FAM117A: variants seen among roughly 807,000 people sequenced by gnomAD.
FAM117A encodes family with sequence similarity 117 member A, also known as protein FAM117A.
In FAM117A, 21 loss-of-function variants were observed where a neutral mutation model predicts 44.1. That is an observed-to-expected ratio of 0.48 (90% CI 0.34 to 0.69). The LOEUF (loss-of-function observed/expected upper bound fraction) is 0.69. Ranked by LOEUF, FAM117A falls within the 30% of genes least tolerant of loss-of-function variation. The pLI, the probability that FAM117A is intolerant of heterozygous loss-of-function variation, is 0.01. For missense variants in FAM117A, 498 were observed against 589.9 expected (o/e 0.84, Z 1.61); for synonymous variants, 220 against 238.3 (o/e 0.92, Z 0.71).
At chr17:49,721,728 C>T (rs763487030) in intron 3 of FAM117A, among the ~76,000 whole-genome samples, 2 of 152,200 alleles carry the variant, frequency 1.3e-5, no homozygotes, top group Non-Finnish European at 2.9e-5. Flanking sequence ...GACTTGAGCA[C>T]TCCTGAGGGA....
At chr17:49,788,464 T>C (rs560601805) in intron 1 of FAM117A, 1 of 250,370 alleles carries the variant, frequency 4.0e-6, no homozygotes, top group Admixed American at 5.5e-5. Context: ...CAAACAAGAA[T>C]GGCTACCCAC....
At chr17:49,747,782 C>T (rs1169202138) in intron 1 of FAM117A, among the ~76,000 whole-genome samples, 1 of 152,164 alleles carries the variant, frequency 6.6e-6, no homozygotes, top group East Asian at 1.9e-4. Flanking sequence ...GGCAAATTCC[C>T]ATGCTGAGCT....
At chr17:49,754,657 G>T (rs1355167784) in intron 1 of FAM117A, among the ~76,000 whole-genome samples, 3 of 152,050 alleles carry the variant, frequency 2.0e-5, no homozygotes, top group Non-Finnish European at 4.4e-5. Context: ...GGAGAAGAAG[G>T]GGAGGGAAGA....
intron 1 of FAM117A, among the ~76,000 whole-genome samples, chr17:49,749,380 T>G (rs192781748): frequency 1.9e-3 from 295 of 151,862 alleles, no homozygotes; most frequent in Middle Eastern, 6.8e-3. Context: ...ATCAAGACCA[T>G]CCTGGCCAAC....
intron 1 of FAM117A, among the ~76,000 whole-genome samples, chr17:49,762,312 A>G (rs1416250246): frequency 1.3e-5 from 2 of 152,154 alleles, no homozygotes; most frequent in Non-Finnish European, 2.9e-5. Context: ...CCCAAACAAA[A>G]CCAACAGGTT....
chr17:49,738,006 A>AG (rs1367851689), intron 1 of FAM117A, among the ~76,000 whole-genome samples: 6 of 152,188 alleles, frequency 3.9e-5, no homozygotes, highest in African/African-American at 1.4e-4. Flanking sequence ...CTAATGGAGG[A>AG]GATGGCAGGC....
chr17:49,725,100 C>G (rs981781040), intron 2 of FAM117A, among the ~76,000 whole-genome samples: 1 of 152,168 alleles, frequency 6.6e-6, no homozygotes, highest in Non-Finnish European at 1.5e-5. Context: ...TCCTCCCAAG[C>G]AAACCCATCT....
At chr17:49,762,658 A>G (rs1054181055) in intron 1 of FAM117A, among the ~76,000 whole-genome samples, 6 of 152,218 alleles carry the variant, frequency 3.9e-5, no homozygotes, top group Non-Finnish European at 8.8e-5. Flanking sequence ...AGCTCAAGAG[A>G]CTCTGGTTTA....
In FAM117A at chr17:49,732,585, G is replaced by C; in HGVS notation, c.332C>G (p.Ala111Gly). 1 of 1,614,132 alleles carries C rather than the reference G, an allele frequency of 6.2e-7. No individual in the cohort carries two copies. The highest frequency in any genetic ancestry group is 8.5e-7 in the Non-Finnish European group (1 of 1,180,012). The stretch of plus-strand genomic sequence containing the variant: ...CTTGTCATTGGTGCAGCAGGTGAAG[G>C]CCCCATCAGCATCTCGTGGCCACTG... Reference protein sequence around the residue: ...LGQWPRDADGAFTCCTNDKAT... With the variant: ...LGQWPRDADGGFTCCTNDKAT... Residue 111 changes from alanine (A) to glycine (G), a missense_variant, in exon 2 of 8, where the codon GCC becomes GGC. This residue lies in a region of FAM117A where 270 missense variants were observed against 277.4 expected (regional missense o/e 0.97). Transcript: ENST00000240364.
chr17:49,718,047 A>G, intron 5 of FAM117A: 1 of 183,518 alleles, frequency 5.4e-6, no homozygotes. Context: ...CCTGGGCTCT[A>G]GGAACACAAA....
chr17:49,740,485 G>A (rs1390862165), intron 1 of FAM117A, among the ~76,000 whole-genome samples: 1 of 152,186 alleles, frequency 6.6e-6, no homozygotes, highest in Non-Finnish European at 1.5e-5. Flanking sequence ...TTCTGACCTT[G>A]TGATCCGCCC....
At chr17:49,778,747 T>C (rs953671456) in intron 1 of FAM117A, among the ~76,000 whole-genome samples, 2 of 152,212 alleles carry the variant, frequency 1.3e-5, no homozygotes, top group Non-Finnish European at 2.9e-5. Context: ...GTCCTGAGAA[T>C]GCAATGGTAA....
At chr17:49,787,058 T>C (rs1409164240) in intron 1 of FAM117A, among the ~76,000 whole-genome samples, 1 of 151,774 alleles carries the variant, frequency 6.6e-6, no homozygotes, top group African/African-American at 2.4e-5. Context: ...CACTCCAGCC[T>C]GGGCAACACA....
rs527665942 is a variant in FAM117A, at chr17:49,730,891, T to C, written c.366+1660A>G. 9.7e-4 allele frequency among the ~76,000 whole-genome samples: 147 copies of C among 152,282 alleles called. 4 individuals carry two copies. In the South Asian group the frequency reaches 0.028, roughly 29 times the overall value. On this transcript the variant is annotated intron_variant, in intron 2 of 7. Coordinates refer to ENST00000240364, the MANE Select transcript of FAM117A (RefSeq NM_030802.4). Reference sequence around the variant, plus strand: ...ATTCTTGTTGATTCAAGGTGGGGTATTCCCATGAGAATTCCCCTTCTTTAA... The same window carrying C: ...ATTCTTGTTGATTCAAGGTGGGGTACTCCCATGAGAATTCCCCTTCTTTAA...
upstream of FAM117A, among the ~76,000 whole-genome samples, chr17:49,768,978 T>G (rs1349707226): frequency 1.3e-5 from 2 of 152,244 alleles, no homozygotes; most frequent in Non-Finnish European, 2.9e-5. Flanking sequence ...TCTACTTTCC[T>G]TGCTAAATGG....
intron 1 of FAM117A, among the ~76,000 whole-genome samples, chr17:49,734,142 CAAA>C (rs55925044): frequency 1.3e-4 from 8 of 59,422 alleles, no homozygotes; most frequent in Admixed American, 2.0e-4. Context: ...GACTCTGTCT[CAAA>C]AAAAAAAAAA....
chr17:49,754,799 G>T (rs1003903628), intron 1 of FAM117A, among the ~76,000 whole-genome samples: 1 of 151,972 alleles, frequency 6.6e-6, no homozygotes, highest in Non-Finnish European at 1.5e-5. Flanking sequence ...AGCCCTTTGG[G>T]AGGCCAAGGC....
At chr17:49,718,727 A>G (rs2073517637) in intron 5 of FAM117A, among the ~76,000 whole-genome samples, 2 of 151,976 alleles carry the variant, frequency 1.3e-5, no homozygotes, top group African/African-American at 4.8e-5. Context: ...TCACGCCTGT[A>G]ATCCCAGCAC....
At chr17:49,743,416 C>T (rs1212867572) in intron 1 of FAM117A, among the ~76,000 whole-genome samples, 2 of 151,760 alleles carry the variant, frequency 1.3e-5, no homozygotes, top group Admixed American at 6.6e-5. Flanking sequence ...GGCAACATAG[C>T]GAGACTCCAC....
Sources: gnomAD v4.1 joint callset for allele counts (sites outside exome capture counted in the v4.1 genomes callset) on GRCh38, gnomAD v4.1.1 for gene constraint, gnomAD v4.1.1 regional missense constraint, MANE v1.5 for transcripts, NCBI Gene and HGNC (gene_info 2026-07-23, HGNC 2026-07-21) for gene names.